NECTIN1: variants seen among roughly 807,000 people sequenced by gnomAD.
NECTIN1 encodes the protein nectin-1.
Under a neutral mutation model 48.0 loss-of-function variants are expected in NECTIN1, and 23 were observed. That is an observed-to-expected ratio of 0.48 (90% confidence interval 0.34 to 0.68). The LOEUF (loss-of-function observed/expected upper bound fraction) is 0.68, where lower values mean the gene tolerates loss of function less well. Ranked by LOEUF, NECTIN1 falls within the 30% of genes least tolerant of loss-of-function variation. The probability of loss-of-function intolerance (pLI) is 0.01; values close to 1 mark genes in which losing one functional copy is unlikely to be tolerated. For synonymous variants in NECTIN1, 270 were observed against 288.9 expected (o/e 0.93, Z 0.66); for missense variants, 591 against 709.9 (o/e 0.83, Z 1.90).
Position 119,647,986 on chromosome 11 carries a change from C to T in NECTIN1, c.1004-7974G>A, listed in dbSNP as rs1258883213. 2.7e-5 allele frequency among the ~76,000 whole-genome samples: 4 copies of T among 148,084 alleles called. No homozygotes were observed. In the Admixed American group the frequency reaches 2.7e-4, roughly 10 times the overall value. ...GGCCGAGACAAGAGAATCACTTGAA[C>T]CTGGGAGGCGGAGGCTGCAGTGAGC... On this transcript the variant is annotated intron_variant, in intron 5 of 7. Transcript: ENST00000341398.
At chr11:119,670,027 T>C (rs1260504896) in intron 5 of NECTIN1, among the ~76,000 whole-genome samples, 1 of 151,966 alleles carries the variant, frequency 6.6e-6, no homozygotes, top group Admixed American at 6.6e-5. Flanking sequence ...TGGCTCAATC[T>C]TGGCTCATGC....
intron 1 of NECTIN1, among the ~76,000 whole-genome samples, chr11:119,679,528 C>T (rs964299968): frequency 6.6e-6 from 1 of 152,174 alleles, no homozygotes; most frequent in African/African-American, 2.4e-5. Flanking sequence ...AATGTAAATG[C>T]CTTCTCTTGG....
At chr11:119,675,369 C>A in intron 4 of NECTIN1, 59 bp from the exon 5 acceptor site, 1 of 1,605,398 alleles carries the variant, frequency 6.2e-7, no homozygotes, top group South Asian at 1.1e-5. Flanking sequence ...AGAAGCTGTT[C>A]CTGGGTCACC....
intron 1 of NECTIN1, among the ~76,000 whole-genome samples, chr11:119,716,375 G>A (rs961751347): frequency 4.6e-5 from 7 of 152,098 alleles, no homozygotes; most frequent in Admixed American, 3.3e-4. Context: ...CCAGCGGTGC[G>A]AAGGCTTTCC....
At chr11:119,643,352 G>A (rs1466048701) in intron 5 of NECTIN1, among the ~76,000 whole-genome samples, 1 of 152,220 alleles carries the variant, frequency 6.6e-6, no homozygotes, top group Non-Finnish European at 1.5e-5. Context: ...TTTGATCCTC[G>A]TATTGAGCCT....
chr11:119,723,441 C>A (rs1218612018), intron 1 of NECTIN1, among the ~76,000 whole-genome samples: 1 of 152,148 alleles, frequency 6.6e-6, no homozygotes, highest in Non-Finnish European at 1.5e-5. Flanking sequence ...GGGACCACTG[C>A]TGCTCTGCTC....
intron 1 of NECTIN1, among the ~76,000 whole-genome samples, chr11:119,703,337 C>T (rs1180163564): frequency 6.6e-6 from 1 of 152,232 alleles, no homozygotes; most frequent in Non-Finnish European, 1.5e-5. Context: ...TTCATGCTGG[C>T]ACCAACGGGA....
intron 1 of NECTIN1, among the ~76,000 whole-genome samples, chr11:119,714,602 C>T (rs756546140): frequency 1.4e-4 from 22 of 152,194 alleles, no homozygotes; most frequent in Non-Finnish European, 2.8e-4. Flanking sequence ...TCCTGTCCTG[C>T]CCACGGTCCC....
At chr11:119,695,577 A>G (rs1012239697) in intron 1 of NECTIN1, among the ~76,000 whole-genome samples, 1 of 152,222 alleles carries the variant, frequency 6.6e-6, no homozygotes, top group Admixed American at 6.5e-5. Flanking sequence ...CAAATCCCAG[A>G]GAACCAACTC....
intron 5 of NECTIN1, among the ~76,000 whole-genome samples, chr11:119,670,710 G>A (rs965569005): frequency 3.0e-5 from 4 of 133,388 alleles, no homozygotes; most frequent in African/African-American, 5.6e-5. Flanking sequence ...GCAGTGGCAC[G>A]ATCTCGGCTC....
At chr11:119,640,329 T>C (rs1371617867) in intron 5 of NECTIN1, 2 of 413,344 alleles carry the variant, frequency 4.8e-6, no homozygotes, top group East Asian at 4.9e-5. Flanking sequence ...CACCCCGTCA[T>C]TCCATTTCTG....
intron 5 of NECTIN1, among the ~76,000 whole-genome samples, chr11:119,654,532 A>G (rs998091604): frequency 2.1e-4 from 24 of 114,108 alleles, no homozygotes; most frequent in Non-Finnish European, 4.4e-4. Flanking sequence ...TGGGAGGGAG[A>G]TGGCAATGTG....
intron 1 of NECTIN1, among the ~76,000 whole-genome samples, chr11:119,708,851 C>T (rs1043755703): frequency 1.3e-5 from 2 of 152,066 alleles, no homozygotes; most frequent in Non-Finnish European, 2.9e-5. Context: ...GACAAGCAGG[C>T]TACCAGAAGA....
intron 5 of NECTIN1, among the ~76,000 whole-genome samples, chr11:119,648,009 AG>A (rs1309135331): frequency 8.0e-6 from 1 of 124,452 alleles, no homozygotes; most frequent in African/African-American, 3.0e-5. Context: ...GGCTGCAGTG[AG>A]CTGAGATCGT....
chr11:119,678,875 T>G lies in NECTIN1; in HGVS notation c.80-110A>C. ...TTTATAGCAGTCATTATTGTTTTTA[T>G]TCCGATTGTAAAAATATTAATTACT... On this transcript the variant is annotated intron_variant, in intron 1 of 5. Coordinates refer to ENST00000264025, the MANE Select transcript of NECTIN1 (RefSeq NM_002855.5). The surrounding 1 kb of genome is among the most constrained non-coding windows in gnomAD (Gnocchi z 4.4). 1.3e-6 allele frequency: 1 copy of G among 748,092 alleles called. No homozygotes were observed. Among genetic ancestry groups the G allele is most frequent in the South Asian group, 1.5e-5 (1 of 65,730 alleles). The allele number at this position is 748,092 out of a possible 1,614,324, so 46.3% of individuals were successfully genotyped here.
At chr11:119,648,825 G>A (rs1433771710) in intron 5 of NECTIN1, among the ~76,000 whole-genome samples, 2 of 152,182 alleles carry the variant, frequency 1.3e-5, no homozygotes. Context: ...TTTTCCCTGA[G>A]GGTGGGAATT....
At chr11:119,658,819 G>A (rs951786), downstream of NECTIN1, among the ~76,000 whole-genome samples, 103,029 of 151,620 alleles carry the variant, frequency 0.68, 36,414 homozygotes, top group Non-Finnish European at 0.78. Flanking sequence ...CCCTTTCCCT[G>A]GGTTCCTCCC....
At chr11:119,698,257 T>C (rs1447837600) in intron 1 of NECTIN1, among the ~76,000 whole-genome samples, 4 of 152,248 alleles carry the variant, frequency 2.6e-5, no homozygotes, top group African/African-American at 9.6e-5. Context: ...CCTGAGCCTC[T>C]AGACTTTCCC....
Position 119,664,342 on chromosome 11 carries a change from T to C in NECTIN1, c.*405A>G, listed in dbSNP as rs1025110118. On this transcript the variant is annotated 3_prime_UTR_variant, in exon 6 of 6. Transcript: ENST00000264025. ...GGAGCTTTTCCCTCTTAGAGCCCCT[T>C]GAGCCCTCCACCCCCAGTGAAGAAA... 6.1e-5 allele frequency: 63 copies of C among 1,026,520 alleles called. No individual in the cohort carries two copies. In the South Asian group the frequency reaches 1.3e-3, roughly 21 times the overall value. 63.6% of individuals were successfully genotyped at this position (1,026,520 alleles called of 1,614,324 possible).
Sources: allele counts gnomAD v4.1 joint callset (sites outside exome capture counted in the v4.1 genomes callset), GRCh38; gene constraint gnomAD v4.1.1; non-coding constraint Gnocchi (gnomAD v3.1); transcripts MANE v1.5; gene names NCBI Gene and HGNC (gene_info 2026-07-23, HGNC 2026-07-21).